Variants in SEC22B observed in about 807,000 individuals in gnomAD.
SEC22B encodes vesicle-trafficking protein SEC22b.
A neutral mutation model predicts 31.4 loss-of-function variants in SEC22B; 10 were observed. The observed-to-expected ratio is 0.32, with a 90% CI of 0.20 to 0.54. SEC22B has a LOEUF of 0.54. SEC22B is among the 20% of genes least tolerant of loss of function. The probability of loss-of-function intolerance (pLI) is 0.94; values close to 1 mark genes in which losing one functional copy is unlikely to be tolerated. For missense variants in SEC22B, 130 were observed against 263.4 expected (o/e 0.49, Z 3.50); for synonymous variants, 60 against 95.9 (o/e 0.63, Z 2.19).
chr1:120,161,696 C>G (rs2101128159), intron 3 of SEC22B, among the ~76,000 whole-genome samples: 1 of 151,932 alleles, frequency 6.6e-6, no homozygotes, highest in Admixed American at 6.6e-5. Context: ...GAGACTCTGT[C>G]TCTAAGTAAA....
At chr1:120,164,249 T>C (rs1230293601) in intron 2 of SEC22B, among the ~76,000 whole-genome samples, 1 of 147,208 alleles carries the variant, frequency 6.8e-6, no homozygotes, top group Non-Finnish European at 1.5e-5. Flanking sequence ...TGTAAGCCAC[T>C]GGACCCAGCC....
intron 2 of SEC22B, among the ~76,000 whole-genome samples, chr1:120,163,943 CTCTTT>C (rs1211817191): frequency 4.6e-5 from 6 of 129,146 alleles, no homozygotes; most frequent in South Asian, 2.4e-4. Flanking sequence ...CCATTAGATT[CTCTTT>C]TTTTTTTTTT....
chr1:120,163,768 G>A lies in SEC22B; in HGVS notation c.186-398C>T, dbSNP rs1304590691. Among the ~76,000 whole-genome samples, 213 of 151,284 alleles carry A rather than the reference G, an allele frequency of 1.4e-3. No homozygotes were observed. In the Middle Eastern group the frequency reaches 0.017, roughly 12 times the overall value. ...TTTTTGTATTTTTAGTAGAGACGGG[G>A]TTTCACCACGTTGGTTGGCCAGGAT... On this transcript the variant is annotated intron_variant, in intron 2 of 4. Coordinates refer to ENST00000578049, the MANE Select transcript of SEC22B (RefSeq NM_004892.6).
At position 120,156,251 on chromosome 1, in the gene SEC22B, T is replaced by C; in HGVS notation, c.*787A>G. ...CAGGGGCCTCTCCATATCCTATACTTGCTCTTACGCTAATAACAAACCAAA... is the reference window on the plus strand; with the variant it reads ...CAGGGGCCTCTCCATATCCTATACTCGCTCTTACGCTAATAACAAACCAAA... On this transcript the variant is annotated 3_prime_UTR_variant, in exon 5 of 5. Transcript: ENST00000578049. 1 of 152,234 alleles carries C rather than the reference T, an allele frequency of 6.6e-6. No individual in the cohort carries two copies. The allele number at this position is 152,234 out of a possible 1,614,324, so 9.4% of individuals were successfully genotyped here.
chr1:120,154,001 T>C lies in SEC22B; in HGVS notation c.*3037A>G, dbSNP rs1364986747. On this transcript the variant is annotated 3_prime_UTR_variant, in exon 5 of 5. Coordinates refer to ENST00000578049, the MANE Select transcript of SEC22B (RefSeq NM_004892.6). ...TTTTGACACTTGTAAGATGTCTTAA[T>C]TAAAACAAGCCATGAAGTTCAGCGT... 1.3e-5 allele frequency: 2 copies of C among 151,432 alleles called. No individual in the cohort carries two copies. The highest frequency in any genetic ancestry group is 2.9e-5 in the Non-Finnish European group (2 of 67,800). The allele number at this position is 151,432 out of a possible 1,614,324, so 9.4% of individuals were successfully genotyped here.
chr1:120,169,317 G>T (rs1193812452), intron 1 of SEC22B, among the ~76,000 whole-genome samples: 6 of 151,966 alleles, frequency 3.9e-5, no homozygotes, highest in Admixed American at 3.3e-4. Flanking sequence ...AATATCCTAG[G>T]AACAAGATTG....
chr1:120,176,406 A>G lies in SEC22B; in HGVS notation c.-25T>C. 1.2e-6 allele frequency: 2 copies of G among 1,610,596 alleles called. No individual in the cohort carries two copies. The highest frequency in any genetic ancestry group is 1.7e-6 in the Non-Finnish European group (2 of 1,177,448). ...TCTTCACAAACTACAGGGATCCAAC[A>G]CTGGCCCGGAAGGCCCTTGGCGCCG... On this transcript the variant is annotated 5_prime_UTR_variant, in exon 1 of 5. Coordinates refer to ENST00000578049, the MANE Select transcript of SEC22B (RefSeq NM_004892.6).
chr1:120,163,442 C>A (rs1373769677), intron 2 of SEC22B, 72 bp from the exon 3 acceptor site: 18 of 1,035,448 alleles, frequency 1.7e-5, no homozygotes, highest in Non-Finnish European at 2.5e-6. Context: ...AAAGCAGAAT[C>A]TCTGTACCAT....
At chr1:120,168,188 C>T (rs1473204956) in intron 2 of SEC22B, among the ~76,000 whole-genome samples, 1 of 151,796 alleles carries the variant, frequency 6.6e-6, no homozygotes, top group East Asian at 1.9e-4. Context: ...TACTCTTTTC[C>T]TTTTTAATCC....
intron 2 of SEC22B, among the ~76,000 whole-genome samples, chr1:120,163,945 CTTTTTTTTTT>C (rs1169530604): frequency 5.8e-5 from 4 of 68,934 alleles, no homozygotes; most frequent in Admixed American, 1.6e-4. Flanking sequence ...ATTAGATTCT[CTTTTTTTTTT>C]TTTTTTTTTT....
In SEC22B at chr1:120,160,466, G is replaced by C; in HGVS notation, c.411C>G (p.Ser137=). The change falls in exon 4 of 5, where the codon TCC becomes TCG. Residue 137 remains serine (S), a synonymous_variant. Coordinates refer to ENST00000578049, the MANE Select transcript of SEC22B (RefSeq NM_004892.6). ...GCACATCTTGCAATTCAGTGTTGAT[G>C]GAGCCTAGATTTCTTCGAGCACGAC... ...IDSRARRNLG[S]INTELQDVQR... is the part of the protein sequence containing the mutation. 6.2e-7 allele frequency: 1 copy of C among 1,611,448 alleles called. No homozygotes were observed. Among genetic ancestry groups the C allele is most frequent in the Non-Finnish European group, 8.5e-7 (1 of 1,178,382 alleles).
At chr1:120,173,055 T>A (rs1179399657) in intron 1 of SEC22B, among the ~76,000 whole-genome samples, 4 of 149,016 alleles carry the variant, frequency 2.7e-5, no homozygotes, top group African/African-American at 9.9e-5. Context: ...TCAGTGGGTA[T>A]CAATACCCAC....
At chr1:120,165,816 T>A (rs2101129930) in intron 2 of SEC22B, among the ~76,000 whole-genome samples, 1 of 151,484 alleles carries the variant, frequency 6.6e-6, no homozygotes, top group East Asian at 1.9e-4. Context: ...TTTTATAGTT[T>A]AGGGTCTTAT....
intron 4 of SEC22B, among the ~76,000 whole-genome samples, chr1:120,160,169 T>C (rs1267403651): frequency 6.7e-6 from 1 of 148,798 alleles, no homozygotes; most frequent in African/African-American, 2.6e-5. Flanking sequence ...TTGCTTCTAA[T>C]ATGGATGAGT....
chr1:120,172,564 G>C (rs1457386696), intron 1 of SEC22B, among the ~76,000 whole-genome samples: 2 of 15,212 alleles, frequency 1.3e-4, no homozygotes, highest in Non-Finnish European at 2.3e-4. Flanking sequence ...TTTAGGTGAA[G>C]TCTTACTATG....
At chr1:120,168,724 C>T (rs2101131291) in intron 2 of SEC22B, 116 bp downstream of exon 2, 2 of 356,334 alleles carry the variant, frequency 5.6e-6, no homozygotes, top group East Asian at 9.4e-5. Flanking sequence ...AGTTGCTCCT[C>T]CCAAAAGACA....
intron 2 of SEC22B, among the ~76,000 whole-genome samples, chr1:120,164,484 T>C (rs1657774270): frequency 6.8e-6 from 1 of 146,776 alleles, no homozygotes; most frequent in Admixed American, 6.9e-5. Context: ...GAGTGCCCAA[T>C]GTTTAGCTTA....
At position 120,176,520 on chromosome 1, in the gene SEC22B, T is replaced by C; in HGVS notation, c.-139A>G. 1 of 766,102 alleles carries C rather than the reference T, an allele frequency of 1.3e-6. No individual in the cohort carries two copies. The highest frequency in any genetic ancestry group is 2.1e-6 in the Non-Finnish European group (1 of 468,806). The allele number at this position is 766,102 out of a possible 1,614,324, so 47.5% of individuals were successfully genotyped here. A position where few individuals can be genotyped will look rare whatever the true frequency, so the allele number is the denominator to read the frequency against. On this transcript the variant is annotated 5_prime_UTR_variant, in exon 1 of 5. Transcript: ENST00000578049. ...CTTGCGTCTCCGCTTCCCGCTGAGGTGGCCGGAAACAGCGCAAGAGCTTTC... is the reference window on the plus strand; with the variant it reads ...CTTGCGTCTCCGCTTCCCGCTGAGGCGGCCGGAAACAGCGCAAGAGCTTTC...
rs1363674430 is a variant in SEC22B, at chr1:120,151,327, T to A, written c.*5711A>T. On this transcript the variant is annotated 3_prime_UTR_variant, in exon 5 of 5. Coordinates refer to ENST00000578049, the MANE Select transcript of SEC22B (RefSeq NM_004892.6). ...TGGCACAATGGGGCCAGACTGCGAA[T>A]GGCAAACAAGTATGTGATCTTTTAT... 6.6e-6 allele frequency: 1 copy of A among 152,236 alleles called. No individual in the cohort carries two copies. Among genetic ancestry groups the A allele is most frequent in the Non-Finnish European group, 1.5e-5 (1 of 68,072 alleles). The allele number at this position is 152,236 out of a possible 1,614,324, so 9.4% of individuals were successfully genotyped here. A position where few individuals can be genotyped will look rare whatever the true frequency, so the allele number is the denominator to read the frequency against.
Sources: allele counts gnomAD v4.1 joint callset (sites outside exome capture counted in the v4.1 genomes callset), GRCh38; gene constraint gnomAD v4.1.1; transcripts MANE v1.5; gene names NCBI Gene and HGNC (gene_info 2026-07-23, HGNC 2026-07-21).